The following ACAD11 variants were observed in gnomAD, a reference collection of about 807,000 sequenced individuals.
ACAD11 encodes acyl-Coenzyme A dehydrogenase family, member 11.
A neutral mutation model predicts 102.2 loss-of-function variants in ACAD11; 83 were observed. The ratio of observed to expected loss-of-function variants is 0.81; its 90% CI spans 0.68 to 0.97. The LOEUF is 0.97. Ranked by LOEUF, ACAD11 falls within the 50% of genes least tolerant of loss-of-function variation. The pLI is 0.00. For missense variants in ACAD11, 901 were observed against 951.7 expected, an observed-to-expected ratio of 0.95 and a Z score of 0.70; for synonymous variants, 324 against 319.8, an observed-to-expected ratio of 1.01 and a Z score of -0.14.
rs1408952565 is a variant in ACAD11, at chr3:132,561,273, C to T, written c.2002-56G>A. ...GAGGAGCTAAGCTGGTATCTGATGT[C>T]CACGTGTAACACAGTCTTATAGTTT... On this transcript the variant is annotated intron_variant, in intron 17 of 19. Coordinates refer to ENST00000264990, the MANE Select transcript of ACAD11 (RefSeq NM_032169.5). 7 of 1,242,886 alleles carry T rather than the reference C, an allele frequency of 5.6e-6. No individual in the cohort carries two copies. In the East Asian group the frequency reaches 1.6e-4, roughly 29 times the overall value. The allele number at this position is 1,242,886 out of a possible 1,614,324, so 77.0% of individuals were successfully genotyped here.
chr3:132,575,739 C>G, intron 17 of ACAD11, 33 bp downstream of exon 17: 2 of 1,612,078 alleles, frequency 1.2e-6, no homozygotes, highest in Non-Finnish European at 8.5e-7. Flanking sequence ...GTGCACCGGG[C>G]TACAATAAAT....
At position 132,561,181 on chromosome 3, in the gene ACAD11, C is replaced by T. The variant is rs1402883648; in HGVS notation, c.2038G>A (p.Ala680Thr). Residue 680 changes from alanine to threonine, a missense_variant, in exon 18 of 20, where the codon GCC becomes ACC. Physicochemically the swap from Ala to Thr is moderately conservative, Grantham distance 58 (BLOSUM62 0). Transcript: ENST00000264990. ...GTCAACAAGCGGATCTTCTCAATGG[C>T]AATGCGGCTTTCAGCAATCCAGTGA... ...VAHWIAESRI[A>T]IEKIRLLTLK... 6.2e-7 allele frequency: 1 copy of T among 1,613,404 alleles called. No individual in the cohort carries two copies.
intron 13 of ACAD11, among the ~76,000 whole-genome samples, chr3:132,590,508 A>G (rs1938032239): frequency 6.6e-6 from 1 of 152,074 alleles, no homozygotes; most frequent in Non-Finnish European, 1.5e-5. Context: ...TAGCCCCCCA[A>G]AGTGCTGGGA....
chr3:132,613,911 A>G (rs554798162), intron 11 of ACAD11, among the ~76,000 whole-genome samples: 21 of 151,674 alleles, frequency 1.4e-4, no homozygotes, highest in African/African-American at 4.9e-4. Context: ...AAAAAGAAAG[A>G]AAAAAGAAAA....
rs938553485 is a variant in ACAD11, at chr3:132,579,220, G to C, written c.1688+272C>G. 7.3e-6 allele frequency: 5 copies of C among 682,616 alleles called. No individual in the cohort carries two copies. In the African/African-American group the frequency reaches 9.1e-5, roughly 12 times the overall value. 42.3% of individuals were successfully genotyped at this position (682,616 alleles called of 1,614,324 possible). On this transcript the variant is annotated intron_variant, in intron 14 of 19. Coordinates refer to ENST00000264990, the MANE Select transcript of ACAD11 (RefSeq NM_032169.5). Reference sequence around the variant, plus strand: ...TCATTACACAGGTCTGAAAAAATTTGTCTGATAATTTAATCCAAACAGCTT... The same window carrying C: ...TCATTACACAGGTCTGAAAAAATTTCTCTGATAATTTAATCCAAACAGCTT...
intron 11 of ACAD11, among the ~76,000 whole-genome samples, chr3:132,611,221 T>A (rs1939124720): frequency 6.6e-6 from 1 of 152,038 alleles, no homozygotes; most frequent in Admixed American, 6.6e-5. Flanking sequence ...ATGGGACGTA[T>A]CTCAAAATAA....
intron 6 of ACAD11, 64 bp from the exon 7 acceptor site, chr3:132,630,622 A>T: frequency 6.9e-7 from 1 of 1,456,846 alleles, no homozygotes; most frequent in Admixed American, 2.0e-5. Context: ...TCAAAATGTT[A>T]TGAGACTGAG....
chr3:132,655,871 C>T (rs1002609387), intron 1 of ACAD11, among the ~76,000 whole-genome samples: 3 of 152,112 alleles, frequency 2.0e-5, no homozygotes, highest in Non-Finnish European at 4.4e-5. Flanking sequence ...TTGATTAATT[C>T]TAAATATTTT....
At chr3:132,561,893 C>T (rs1318479498) in intron 17 of ACAD11, among the ~76,000 whole-genome samples, 1 of 152,164 alleles carries the variant, frequency 6.6e-6, no homozygotes, top group Non-Finnish European at 1.5e-5. Flanking sequence ...TTTGCCTTTT[C>T]CAGAATGTCA....
At chr3:132,646,510 A>C (rs1394330241) in intron 1 of ACAD11, 1 of 152,250 alleles carries the variant, frequency 6.6e-6, no homozygotes, top group Non-Finnish European at 1.5e-5. Flanking sequence ...TCATGATAGT[A>C]AATGACCCAA....
At chr3:132,626,850 C>T in intron 8 of ACAD11, 33 bp from the exon 9 acceptor site, 3 of 1,581,820 alleles carry the variant, frequency 1.9e-6, no homozygotes, top group South Asian at 1.2e-5. Flanking sequence ...AAAAAGGTTA[C>T]AAAGATGTCC....
At chr3:132,642,950 C>G in intron 2 of ACAD11, 148 bp from the exon 3 acceptor site, 1 of 721,398 alleles carries the variant, frequency 1.4e-6, no homozygotes, top group Non-Finnish European at 2.3e-6. Flanking sequence ...TAATAACTTC[C>G]CTAATAGTAA....
rs1936967398 is a variant in ACAD11 at position 132,559,028 on chromosome 3, T to C, written c.2286A>G (p.Ser762=). The change falls in exon 20 of 20, where the codon TCA becomes TCG. Residue 762 remains serine, a synonymous_variant. Coordinates refer to ENST00000264990, the MANE Select transcript of ACAD11 (RefSeq NM_032169.5). ...LADGPDEVHL[S]AIATMELRDQ... ...CCCGCAGCTCCATTGTTGCGATTGC[T>C]GAAAGATGAACTTCGTCAGGTCCAT... The C allele has an allele frequency of 1.9e-6, 3 of 1,613,872 alleles. No homozygotes were observed. In the East Asian group the frequency reaches 6.7e-5, roughly 36 times the overall value.
At chr3:132,559,145 G>T in intron 19 of ACAD11, 60 bp from the exon 20 acceptor site, 1 of 1,143,680 alleles carries the variant, frequency 8.7e-7, no homozygotes. Flanking sequence ...ATGATACTTT[G>T]ACATCAGTCA....
intron 6 of ACAD11, 45 bp downstream of exon 6, chr3:132,631,296 C>T (rs1359564932): frequency 8.4e-7 from 1 of 1,196,030 alleles, no homozygotes; most frequent in African/African-American, 1.6e-5. Flanking sequence ...GTAATAAAGA[C>T]AGTTTTATAT....
At chr3:132,561,360 G>A in intron 17 of ACAD11, 143 bp from the exon 18 acceptor site, 1 of 694,656 alleles carries the variant, frequency 1.4e-6, no homozygotes, top group South Asian at 1.5e-5. Flanking sequence ...TTTTTAAATG[G>A]AAGAGTTAAT....
intron 1 of ACAD11, among the ~76,000 whole-genome samples, chr3:132,652,278 T>C (rs1430787439): frequency 6.6e-6 from 1 of 152,224 alleles, no homozygotes; most frequent in Non-Finnish European, 1.5e-5. Flanking sequence ...TGACTTCATG[T>C]AAGACATCCC....
chr3:132,599,171 A>G (rs1241267072), intron 13 of ACAD11, among the ~76,000 whole-genome samples: 1 of 152,112 alleles, frequency 6.6e-6, no homozygotes, highest in African/African-American at 2.4e-5. Context: ...AAAGTTATAC[A>G]GACTCATAAC....
At chr3:132,621,886 G>C (rs1939620543) in intron 9 of ACAD11, among the ~76,000 whole-genome samples, 2 of 151,594 alleles carry the variant, frequency 1.3e-5, no homozygotes, top group African/African-American at 4.8e-5. Context: ...GGCTGAGGCG[G>C]GAGAATCACT....
Sources: allele counts gnomAD v4.1 joint callset (sites outside exome capture counted in the v4.1 genomes callset), GRCh38; gene constraint gnomAD v4.1.1; transcripts MANE v1.5; gene names NCBI Gene and HGNC (gene_info 2026-07-23, HGNC 2026-07-21).